DAZAP1: variants seen among roughly 807,000 people sequenced by gnomAD.
DAZAP1 encodes the protein DAZ associated protein 1, also known as DAZ-associated protein 1.
A neutral mutation model predicts 60.1 loss-of-function variants in DAZAP1; 6 were observed. The observed-to-expected ratio is 0.10, with a 90% CI of 0.05 to 0.20. DAZAP1 has a LOEUF of 0.20. DAZAP1 is among the 10% of genes least tolerant of loss of function. DAZAP1 has a pLI of 1.00. For synonymous variants in DAZAP1, 235 were observed against 215.9 expected (o/e 1.09, Z -0.78); for missense variants, 366 against 560.4 (o/e 0.65, Z 3.50).
rs1569073773 is a variant in DAZAP1 at position 1,422,845 on chromosome 19, C to G, written c.463+449C>G. On this transcript the variant is annotated intron_variant, in intron 6 of 11. Transcript: ENST00000233078. This position sits in a 1 kb window ranked among gnomAD's most constrained non-coding sequence, Gnocchi z 4.5. ...TTTTCTTTCTTTCTTTTTTCCTTTT[C>G]TTTTCTTTTTCTTTTTTTTCAGTTT... is the stretch of plus-strand genomic sequence containing the variant. Among the ~76,000 whole-genome samples, 1 of 148,820 alleles carries G rather than the reference C, an allele frequency of 6.7e-6. No homozygotes were observed. The highest frequency in any genetic ancestry group is 2.0e-4 in the East Asian group (1 of 5,042).
chr19:1,418,772 C>T lies in DAZAP1; in HGVS notation c.303+41C>T. 1.3e-6 allele frequency: 2 copies of T among 1,549,298 alleles called. No individual in the cohort carries two copies. The highest frequency in any genetic ancestry group is 1.7e-6 in the Non-Finnish European group (2 of 1,146,912). On this transcript the variant is annotated intron_variant, in intron 4 of 11. Transcript: ENST00000233078. This position sits in a 1 kb window ranked among gnomAD's most constrained non-coding sequence, Gnocchi z 5.7. ...GGGCGGCCTCCTTGTGTGTTCTCCA[C>T]TCCACGTGGAAAGGAAATGCGTGCC...
At position 1,425,036 on chromosome 19, in the gene DAZAP1, AT is replaced by A. The variant is rs750485022; in HGVS notation, c.464-834del. Among the ~76,000 whole-genome samples the A allele has an allele frequency of 6.6e-6, 1 of 151,740 alleles. No homozygotes were observed. Among genetic ancestry groups the A allele is most frequent in the Non-Finnish European group, 1.5e-5 (1 of 67,908 alleles). ...CACTCTTGTGTTTGGGAAATGCTAA[AT>A]TTTTTTTGCCTTTAAAATTTTCTGT... On this transcript the variant is annotated intron_variant, in intron 6 of 11. Coordinates refer to ENST00000233078, the MANE Select transcript of DAZAP1 (RefSeq NM_018959.4). The surrounding 1 kb of genome is among the most constrained non-coding windows in gnomAD (Gnocchi z 5.4).
rs187804178 is a variant in DAZAP1, at chr19:1,424,881, G to T, written c.464-997G>T. Among the ~76,000 whole-genome samples, 1,117 of 152,300 alleles carry T rather than the reference G, an allele frequency of 7.3e-3. 51 individuals are homozygous for T. The highest frequency in any genetic ancestry group is 0.066 in the Admixed American group (1,010 of 15,308). ...CCGCCTCGGGAGGACGGTGTGCTTT[G>T]CGGTGTCACGCTCCACCTAGCCGGG... On this transcript the variant is annotated intron_variant, in intron 6 of 11. Transcript: ENST00000233078.
chr19:1,429,123 G>A, intron 8 of DAZAP1, 128 bp downstream of exon 8: 2 of 1,236,222 alleles, frequency 1.6e-6, no homozygotes, highest in Non-Finnish European at 2.1e-6. Context: ...GGTTCACAGT[G>A]TCCTTGAGCC....
chr19:1,421,395 C>T, intron 5 of DAZAP1, 137 bp downstream of exon 5: 1 of 707,856 alleles, frequency 1.4e-6, no homozygotes, highest in Non-Finnish European at 2.4e-6. Context: ...TCGTATTTCC[C>T]CAACGCCTGC....
rs577558050 is a variant in DAZAP1, at chr19:1,428,598, G to A, written c.547-244G>A. ...TCGGTCCTGCTGCCCCGCAGTGGGC[G>A]GGCTCTGTGTGTCTTACGGTTGCAT... On this transcript the variant is annotated intron_variant, in intron 7 of 11. Coordinates refer to ENST00000233078, the MANE Select transcript of DAZAP1 (RefSeq NM_018959.4). The surrounding 1 kb of genome is among the most constrained non-coding windows in gnomAD (Gnocchi z 4.0). 1.1e-5 allele frequency: 5 copies of A among 475,222 alleles called. No individual in the cohort carries two copies. Among genetic ancestry groups the A allele is most frequent in the African/African-American group, 6.1e-5 (3 of 49,164 alleles). The allele number at this position is 475,222 out of a possible 1,614,324, so 29.4% of individuals were successfully genotyped here. A position where few individuals can be genotyped will look rare whatever the true frequency, so the allele number is the denominator to read the frequency against.
At chr19:1,410,758 C>T (rs1286217315) in intron 1 of DAZAP1, among the ~76,000 whole-genome samples, 1 of 152,202 alleles carries the variant, frequency 6.6e-6, no homozygotes, top group African/African-American at 2.4e-5. Flanking sequence ...GTTCTGCTGG[C>T]TTCCAAGGCA....
intron 1 of DAZAP1, among the ~76,000 whole-genome samples, chr19:1,408,023 C>G (rs901472713): frequency 6.6e-6 from 1 of 151,336 alleles, no homozygotes; most frequent in African/African-American, 2.4e-5. Context: ...TTCCCGGCTT[C>G]CCGTCCTGGG....
intron 1 of DAZAP1, chr19:1,417,066 T>G: frequency 6.2e-6 from 1 of 160,328 alleles, no homozygotes; most frequent in Non-Finnish European, 1.3e-5. Flanking sequence ...TCAGAGGCCG[T>G]GTGGCATAGG....
intron 1 of DAZAP1, among the ~76,000 whole-genome samples, chr19:1,408,207 C>T (rs1473982216): frequency 6.6e-6 from 1 of 152,068 alleles, no homozygotes; most frequent in Non-Finnish European, 1.5e-5. Flanking sequence ...GTTCAGGGGC[C>T]CCCGCCGCCG....
At chr19:1,421,120 A>T in intron 4 of DAZAP1, 28 bp from the exon 5 acceptor site, 1 of 1,608,544 alleles carries the variant, frequency 6.2e-7, no homozygotes, top group Non-Finnish European at 8.5e-7. Flanking sequence ...TTCCCGTGTG[A>T]ACTAACTATC....
At chr19:1,417,424 C>T (rs2083018653) in intron 1 of DAZAP1, 76 bp from the exon 2 acceptor site, 1 of 1,513,562 alleles carries the variant, frequency 6.6e-7, no homozygotes, top group Non-Finnish European at 9.0e-7. Context: ...GAATTAAGAC[C>T]TCAGCTTGGC....
At position 1,407,685 on chromosome 19, in the gene DAZAP1, T is replaced by G; in HGVS notation, c.-89T>G. 1.1e-5 allele frequency: 10 copies of G among 888,436 alleles called. No homozygotes were observed. The highest frequency in any genetic ancestry group is 9.0e-5 in the East Asian group (1 of 11,108). The allele number at this position is 888,436 out of a possible 1,614,324, so 55.0% of individuals were successfully genotyped here. On this transcript the variant is annotated 5_prime_UTR_variant, in exon 1 of 12. Transcript: ENST00000233078. ...CCGTTGCGCAGATCCGGGCCGCGGC[T>G]GTGGGGAGGGCGACGGAGCGGGTGA...
intron 1 of DAZAP1, among the ~76,000 whole-genome samples, chr19:1,415,389 GT>G (rs111300304): frequency 4.0e-4 from 51 of 127,550 alleles, no homozygotes; most frequent in African/African-American, 8.5e-4. Flanking sequence ...GTGTGTGTGT[GT>G]TTTGTTTTTT....
chr19:1,423,625 T>G lies in DAZAP1; in HGVS notation c.463+1229T>G, dbSNP rs886639101. ...CCCCAGGACCCAGCGCCTCTTGCAC[T>G]GTGCCCGGACCAGGCGAGCCCTGTG... is the stretch of plus-strand genomic sequence containing the variant. On this transcript the variant is annotated intron_variant, in intron 6 of 11. Coordinates refer to ENST00000233078, the MANE Select transcript of DAZAP1 (RefSeq NM_018959.4). The surrounding 1 kb of genome is among the most constrained non-coding windows in gnomAD (Gnocchi z 6.8). Among the ~76,000 whole-genome samples, 6 of 152,262 alleles carry G rather than the reference T, an allele frequency of 3.9e-5. No homozygotes were observed. Among genetic ancestry groups the G allele is most frequent in the Admixed American group, 1.3e-4 (2 of 15,288 alleles).
In DAZAP1 at chr19:1,422,442, C is replaced by T. The variant is rs1455859296; in HGVS notation, c.463+46C>T. 1.3e-6 allele frequency: 2 copies of T among 1,580,846 alleles called. No homozygotes were observed. The highest frequency in any genetic ancestry group is 1.7e-6 in the Non-Finnish European group (2 of 1,151,008). ...ACCTCGGCCTTCTCCCTGCTCCTCC[C>T]TCAGATGGCAAACTATCTCACCCGC... On this transcript the variant is annotated intron_variant, in intron 6 of 11. Coordinates refer to ENST00000233078, the MANE Select transcript of DAZAP1 (RefSeq NM_018959.4). The surrounding 1 kb of genome is among the most constrained non-coding windows in gnomAD (Gnocchi z 4.5).
rs1169253785 is a variant in DAZAP1 at position 1,425,731 on chromosome 19, G to GGCAGCTGCCCCAGGGGCCC, written c.464-141_464-123dup. The GGCAGCTGCCCCAGGGGCCC allele has an allele frequency of 4.6e-6, 3 of 648,170 alleles. No individual in the cohort carries two copies. In the East Asian group the frequency reaches 8.2e-5, roughly 18 times the overall value. The allele number at this position is 648,170 out of a possible 1,614,324, so 40.2% of individuals were successfully genotyped here. On this transcript the variant is annotated intron_variant, in intron 6 of 11. Transcript: ENST00000233078. The surrounding 1 kb of genome is among the most constrained non-coding windows in gnomAD (Gnocchi z 5.4). ...TCGAGTGGTGGCTCCTGGGGAGGGAGGCAGCTGCCCCAGGGGCCCGCAGCG... is the reference window on the plus strand; with the variant it reads ...TCGAGTGGTGGCTCCTGGGGAGGGAGGCAGCTGCCCCAGGGGCCCGCAGCTGCCCCAGGGGCCCGCAGCG...
In DAZAP1 at chr19:1,432,824, G is replaced by T. The variant is rs1313823417; in HGVS notation, c.1048+134G>T. ...GGGAAAGGGGAGAGGGAGGAGAGGG[G>T]GGTGTGGGGGTTGTTGGAGAGATCT... On this transcript the variant is annotated intron_variant, in intron 11 of 11. Coordinates refer to ENST00000233078, the MANE Select transcript of DAZAP1 (RefSeq NM_018959.4). The surrounding 1 kb of genome is among the most constrained non-coding windows in gnomAD (Gnocchi z 4.9). 1.9e-6 allele frequency: 2 copies of T among 1,076,230 alleles called. No homozygotes were observed. Among genetic ancestry groups the T allele is most frequent in the East Asian group, 2.6e-5 (1 of 39,204 alleles). The allele number at this position is 1,076,230 out of a possible 1,614,324, so 66.7% of individuals were successfully genotyped here.
rs1354777478 is a variant in DAZAP1 at position 1,434,577 on chromosome 19, C to G, written c.1049-160C>G. On this transcript the variant is annotated intron_variant, in intron 11 of 11. Transcript: ENST00000233078. The surrounding 1 kb of genome is among the most constrained non-coding windows in gnomAD (Gnocchi z 8.0). ...AGGGAGAGAACATGCCCGGGGTCCTCTCCCCGGCCCAGGTGCTGGCCTCAG... is the reference window on the plus strand; with the variant it reads ...AGGGAGAGAACATGCCCGGGGTCCTGTCCCCGGCCCAGGTGCTGGCCTCAG... The G allele has an allele frequency of 3.1e-6, 2 of 646,672 alleles. No homozygotes were observed. Among genetic ancestry groups the G allele is most frequent in the African/African-American group, 3.8e-5 (2 of 52,028 alleles). 40.1% of individuals were successfully genotyped at this position (646,672 alleles called of 1,614,324 possible).
Sources: gnomAD v4.1 joint callset for allele counts (sites outside exome capture counted in the v4.1 genomes callset) on GRCh38, gnomAD v4.1.1 for gene constraint, Gnocchi (gnomAD v3.1) non-coding constraint, MANE v1.5 for transcripts, NCBI Gene and HGNC (gene_info 2026-07-23, HGNC 2026-07-21) for gene names.